The following ZDHHC14 variants were observed in gnomAD, a reference collection of about 807,000 sequenced individuals.
The protein encoded by ZDHHC14 is zDHHC palmitoyltransferase 14.
In ZDHHC14, 16 loss-of-function variants were observed where a neutral mutation model predicts 47.7. The ratio of observed to expected loss-of-function variants is 0.34; its 90% CI spans 0.23 to 0.51. The LOEUF is 0.51. Ranked by LOEUF, ZDHHC14 falls within the 20% of genes least tolerant of loss-of-function variation. ZDHHC14 has a pLI of 0.97. For synonymous variants in ZDHHC14, 293 were observed against 278.9 expected (o/e 1.05, Z -0.50); for missense variants, 515 against 662.5 (o/e 0.78, Z 2.44).
intron 1 of ZDHHC14, among the ~76,000 whole-genome samples, chr6:157,421,409 C>G (rs1038553222): frequency 2.8e-5 from 4 of 140,838 alleles, no homozygotes; most frequent in Admixed American, 7.7e-5. Flanking sequence ...AGGACAATGG[C>G]ATGAACCCGG....
At chr6:157,531,497 C>T (rs1781365906) in intron 1 of ZDHHC14, among the ~76,000 whole-genome samples, 1 of 152,124 alleles carries the variant, frequency 6.6e-6, no homozygotes, top group African/African-American at 2.4e-5. Flanking sequence ...CACCAACACC[C>T]CCCGCTCCGG....
chr6:157,394,837 G>A (rs1777489861), intron 1 of ZDHHC14, among the ~76,000 whole-genome samples: 1 of 152,028 alleles, frequency 6.6e-6, no homozygotes, highest in Non-Finnish European at 1.5e-5. Context: ...GACTGGTTTG[G>A]GGCATGCAGC....
At chr6:157,482,737 T>A (rs1779665033) in intron 1 of ZDHHC14, among the ~76,000 whole-genome samples, 1 of 150,018 alleles carries the variant, frequency 6.7e-6, no homozygotes, top group Admixed American at 6.7e-5. Context: ...TTTTAGAATG[T>A]CAAAATCATT....
intron 3 of ZDHHC14, among the ~76,000 whole-genome samples, chr6:157,626,040 C>CTG (rs1304796655): frequency 6.6e-6 from 1 of 152,168 alleles, no homozygotes; most frequent in Admixed American, 6.5e-5. Context: ...CACAGCTTAG[C>CTG]TGTTATTAAA....
intron 3 of ZDHHC14, among the ~76,000 whole-genome samples, chr6:157,612,033 C>T (rs1386033806): frequency 6.7e-6 from 1 of 148,336 alleles, no homozygotes; most frequent in Non-Finnish European, 1.5e-5. Context: ...TCATCTTTCC[C>T]CAGTGACCCC....
intron 8 of ZDHHC14, among the ~76,000 whole-genome samples, chr6:157,659,223 G>C (rs183018363): frequency 1.8e-4 from 27 of 152,364 alleles, no homozygotes; most frequent in Non-Finnish European, 3.8e-4. Context: ...AAAGACTTCA[G>C]TGAAAGTCAA....
intron 1 of ZDHHC14, among the ~76,000 whole-genome samples, chr6:157,508,860 AGTGTCCT>A (rs1001073446): frequency 6.6e-6 from 1 of 152,098 alleles, no homozygotes; most frequent in African/African-American, 2.4e-5. Context: ...GTTCTTTTTT[AGTGTCCT>A]GTTCTTGCTT....
chr6:157,614,371 T>G (rs1784874633), intron 3 of ZDHHC14, among the ~76,000 whole-genome samples: 2 of 152,034 alleles, frequency 1.3e-5, no homozygotes, highest in Non-Finnish European at 1.5e-5. Flanking sequence ...GATTTTTTTT[T>G]TTTTTTGGTT....
At chr6:157,384,659 G>A (rs886838574) in intron 1 of ZDHHC14, among the ~76,000 whole-genome samples, 1 of 152,172 alleles carries the variant, frequency 6.6e-6, no homozygotes, top group African/African-American at 2.4e-5. Context: ...GAGGCTATTC[G>A]AGCTACAGAA....
chr6:157,463,093 G>A lies in ZDHHC14; in HGVS notation c.246-79492G>A, dbSNP rs1459792242. ...TAGGTAGGTGCATGTTATATAGAAA[G>A]TTTATTACACGAGTTGTTGGCTATT... On this transcript the variant is annotated intron_variant, in intron 1 of 8. Transcript: ENST00000359775. The surrounding 1 kb of genome is among the most constrained non-coding windows in gnomAD (Gnocchi z 4.4). Among the ~76,000 whole-genome samples the A allele has an allele frequency of 1.3e-5, 2 of 152,198 alleles. No homozygotes were observed. The highest frequency in any genetic ancestry group is 3.8e-4 in the East Asian group (2 of 5,202).
intron 8 of ZDHHC14, among the ~76,000 whole-genome samples, chr6:157,655,373 T>A (rs649155): frequency 0.61 from 93,374 of 152,036 alleles, 29,338 homozygotes; most frequent in African/African-American, 0.73. Context: ...CCACACAGAC[T>A]CTAATTTGTG....
intron 3 of ZDHHC14, among the ~76,000 whole-genome samples, chr6:157,596,242 G>A (rs1281282477): frequency 6.6e-6 from 1 of 152,282 alleles, no homozygotes; most frequent in East Asian, 1.9e-4. Flanking sequence ...ACTGAGAAGT[G>A]TAATTGCAGA....
At chr6:157,548,855 G>A (rs1455774930) in intron 2 of ZDHHC14, among the ~76,000 whole-genome samples, 1 of 152,160 alleles carries the variant, frequency 6.6e-6, no homozygotes, top group African/African-American at 2.4e-5. Context: ...AATATTCCTC[G>A]TGCTTTTACC....
chr6:157,438,837 A>G (rs1778499337), intron 1 of ZDHHC14, among the ~76,000 whole-genome samples: 1 of 152,202 alleles, frequency 6.6e-6, no homozygotes, highest in Non-Finnish European at 1.5e-5. Flanking sequence ...TGTGGAATTT[A>G]TGGATGTGTT....
chr6:157,672,648 T>A, intron 8 of ZDHHC14, 76 bp from the exon 9 acceptor site: 3 of 190,638 alleles, frequency 1.6e-5, no homozygotes, highest in East Asian at 3.8e-4. Context: ...GCCCGTGCCC[T>A]GTCCCCATCC....
intron 8 of ZDHHC14, among the ~76,000 whole-genome samples, chr6:157,660,348 A>G (rs1189540804): frequency 6.6e-6 from 1 of 152,070 alleles, no homozygotes; most frequent in East Asian, 1.9e-4. Flanking sequence ...GTGCACCACC[A>G]CGTCAGGCTA....
chr6:157,495,128 G>GT (rs887750131), intron 1 of ZDHHC14, among the ~76,000 whole-genome samples: 6 of 151,794 alleles, frequency 4.0e-5, no homozygotes, highest in South Asian at 2.1e-4. Context: ...GATTTATAGT[G>GT]TTTTTTTGCA....
chr6:157,599,466 C>T (rs2114904320), intron 3 of ZDHHC14, among the ~76,000 whole-genome samples: 1 of 152,302 alleles, frequency 6.6e-6, no homozygotes, highest in South Asian at 2.1e-4. Context: ...GTTTCCACGC[C>T]CAAGCAGACA....
At chr6:157,526,474 C>T (rs992945862) in intron 1 of ZDHHC14, among the ~76,000 whole-genome samples, 3 of 152,168 alleles carry the variant, frequency 2.0e-5, no homozygotes, top group African/African-American at 7.2e-5. Context: ...TTGTCTTAAA[C>T]GTTGGTCTAC....
Sources: allele counts gnomAD v4.1 joint callset (sites outside exome capture counted in the v4.1 genomes callset), GRCh38; gene constraint gnomAD v4.1.1; non-coding constraint Gnocchi (gnomAD v3.1); transcripts MANE v1.5; gene names NCBI Gene and HGNC (gene_info 2026-07-23, HGNC 2026-07-21).